Variants in PDGFD observed in about 807,000 individuals in gnomAD.
PDGFD encodes platelet-derived growth factor D.
In PDGFD, 30 loss-of-function variants were observed where a neutral mutation model predicts 44.7. The observed-to-expected ratio is 0.67, with a 90% confidence interval of 0.50 to 0.91. The LOEUF (loss-of-function observed/expected upper bound fraction) is 0.91. PDGFD is among the 40% of genes least tolerant of loss of function. PDGFD has a pLI of 0.00. For missense variants in PDGFD, 445 were observed against 457.8 expected (o/e 0.97, Z 0.25); for synonymous variants, 173 against 168.4 (o/e 1.03, Z -0.21).
intron 3 of PDGFD, among the ~76,000 whole-genome samples, chr11:103,949,218 G>C (rs1372218862): frequency 6.6e-6 from 1 of 152,004 alleles, no homozygotes; most frequent in Non-Finnish European, 1.5e-5. Flanking sequence ...GGCCAGACTG[G>C]TCTTGAACTA....
intron 1 of PDGFD, among the ~76,000 whole-genome samples, chr11:104,108,732 C>T (rs1861504377): frequency 6.6e-6 from 1 of 152,262 alleles, no homozygotes; most frequent in East Asian, 1.9e-4. Context: ...AATCATGCTG[C>T]TATAAAGGCA....
intron 1 of PDGFD, among the ~76,000 whole-genome samples, chr11:104,142,039 G>A (rs2170719): frequency 0.63 from 96,104 of 151,874 alleles, 30,724 homozygotes; most frequent in African/African-American, 0.73. Context: ...GTTCCCTAAT[G>A]GAATTATTTC....
Position 104,163,903 on chromosome 11 carries a change from T to C in PDGFD, c.25A>G (p.Thr9Ala), listed in dbSNP as rs762474521. 10 of 1,556,254 alleles carry C rather than the reference T, an allele frequency of 6.4e-6. No homozygotes were observed. The highest frequency in any genetic ancestry group is 1.8e-6 in the Non-Finnish European group (2 of 1,138,960). Residue 9 changes from threonine to alanine, a missense_variant, in exon 1 of 7, where the codon ACT (threonine) becomes GCT (alanine). By Grantham distance (58) the Thr-to-Ala change is moderately conservative. Coordinates refer to ENST00000393158, the MANE Select transcript of PDGFD (RefSeq NM_025208.5). MHRLIFVY[T>A]LICANFCSCR... Reference sequence around the variant, plus strand: ...CTGCAAAAGTTTGCGCAGATTAGAGTGTAGACAAAGATGAGCCGGTGCATT... The same window carrying C: ...CTGCAAAAGTTTGCGCAGATTAGAGCGTAGACAAAGATGAGCCGGTGCATT...
At chr11:104,143,116 G>A (rs939745487) in intron 1 of PDGFD, among the ~76,000 whole-genome samples, 3 of 152,072 alleles carry the variant, frequency 2.0e-5, no homozygotes, top group Admixed American at 1.3e-4. Flanking sequence ...TTAATATTCT[G>A]TATGAAAAAA....
At chr11:104,021,517 GT>G (rs1859952821) in intron 1 of PDGFD, among the ~76,000 whole-genome samples, 1 of 152,104 alleles carries the variant, frequency 6.6e-6, no homozygotes, top group Non-Finnish European at 1.5e-5. Flanking sequence ...AGCCTTAGGA[GT>G]CATCCACTGT....
At chr11:103,957,188 T>G (rs993281020) in intron 3 of PDGFD, among the ~76,000 whole-genome samples, 48 of 152,320 alleles carry the variant, frequency 3.2e-4, no homozygotes, top group African/African-American at 1.1e-3. Context: ...TTTTATGGTT[T>G]TAGGTCTAAC....
chr11:104,012,785 A>G (rs557083862), intron 1 of PDGFD, among the ~76,000 whole-genome samples: 65 of 152,350 alleles, frequency 4.3e-4, no homozygotes, highest in African/African-American at 1.6e-3. Context: ...GAAATCTGGG[A>G]AAATGAACTT....
At chr11:103,951,984 A>G (rs1858766003) in intron 3 of PDGFD, among the ~76,000 whole-genome samples, 1 of 152,012 alleles carries the variant, frequency 6.6e-6, no homozygotes, top group Non-Finnish European at 1.5e-5. Context: ...ATATATTCCA[A>G]TTTCTCTGGC....
chr11:103,994,586 G>C (rs1279244285), intron 3 of PDGFD, among the ~76,000 whole-genome samples: 1 of 151,990 alleles, frequency 6.6e-6, no homozygotes, highest in Non-Finnish European at 1.5e-5. Context: ...TTTTTAAAAA[G>C]CAAGTTTTTT....
chr11:104,150,255 C>T (rs537701656), intron 1 of PDGFD, among the ~76,000 whole-genome samples: 47 of 152,064 alleles, frequency 3.1e-4, no homozygotes, highest in Non-Finnish European at 4.1e-4. Flanking sequence ...TCAATTTAAT[C>T]TTATCTGAAA....
At chr11:104,137,132 G>T (rs1186203003) in intron 1 of PDGFD, among the ~76,000 whole-genome samples, 1 of 152,108 alleles carries the variant, frequency 6.6e-6, no homozygotes, top group Non-Finnish European at 1.5e-5. Context: ...ATACCACATG[G>T]CCTGAATAAT....
chr11:103,926,808 G>A lies in PDGFD; in HGVS notation c.987+104C>T, dbSNP rs947888363. On this transcript the variant is annotated intron_variant, in intron 6 of 6. Transcript: ENST00000393158. Reference sequence around the variant, plus strand: ...TCTGCTCCTAATCAAACCCTGGCTGGGTGCCCTTGTGCAGTGAACAACCTG... The same window carrying A: ...TCTGCTCCTAATCAAACCCTGGCTGAGTGCCCTTGTGCAGTGAACAACCTG... 10 of 1,189,086 alleles carry A rather than the reference G, an allele frequency of 8.4e-6. 1 individual carries two copies. Among genetic ancestry groups the A allele is most frequent in the East Asian group, 2.6e-5 (1 of 39,024 alleles). The allele number at this position is 1,189,086 out of a possible 1,614,324, so 73.7% of individuals were successfully genotyped here. A position where few individuals can be genotyped will look rare whatever the true frequency, so the allele number is the denominator to read the frequency against.
At chr11:104,101,831 A>T (rs1233057297) in intron 1 of PDGFD, among the ~76,000 whole-genome samples, 2 of 152,004 alleles carry the variant, frequency 1.3e-5, no homozygotes, top group Non-Finnish European at 2.9e-5. Flanking sequence ...TGGGGAAAGG[A>T]TTTCCTATTT....
intron 3 of PDGFD, among the ~76,000 whole-genome samples, chr11:103,964,193 A>G (rs1190339818): frequency 1.3e-5 from 2 of 152,050 alleles, no homozygotes; most frequent in Non-Finnish European, 2.9e-5. Flanking sequence ...ATGTACTATC[A>G]TTGCTCTTTT....
At chr11:104,123,270 C>T (rs1861803085) in intron 1 of PDGFD, among the ~76,000 whole-genome samples, 1 of 152,010 alleles carries the variant, frequency 6.6e-6, no homozygotes, top group Admixed American at 6.6e-5. Flanking sequence ...TTATTATTAG[C>T]CAGGAAGCTG....
chr11:104,027,639 G>C (rs961809256), intron 1 of PDGFD, among the ~76,000 whole-genome samples: 4 of 152,158 alleles, frequency 2.6e-5, no homozygotes, highest in Admixed American at 6.5e-5. Flanking sequence ...GCCACAACAG[G>C]CTTTCTACGT....
At chr11:104,074,422 G>A (rs1164380920) in intron 1 of PDGFD, among the ~76,000 whole-genome samples, 1 of 152,154 alleles carries the variant, frequency 6.6e-6, no homozygotes, top group African/African-American at 2.4e-5. Flanking sequence ...ATGTTTCTGG[G>A]TGCCAAGATA....
chr11:103,984,252 CT>C (rs1005909684), intron 3 of PDGFD, among the ~76,000 whole-genome samples: 1 of 151,624 alleles, frequency 6.6e-6, no homozygotes, highest in African/African-American at 2.4e-5. Flanking sequence ...ACACCACATC[CT>C]TTGCAGGGAC....
chr11:104,042,911 G>C (rs1591136039), intron 1 of PDGFD, among the ~76,000 whole-genome samples: 3 of 152,134 alleles, frequency 2.0e-5, no homozygotes. Flanking sequence ...CTTCTGTCAT[G>C]TCTAAGGATT....
Sources: gnomAD v4.1 joint callset for allele counts (sites outside exome capture counted in the v4.1 genomes callset) on GRCh38, gnomAD v4.1.1 for gene constraint, MANE v1.5 for transcripts, NCBI Gene and HGNC (gene_info 2026-07-23, HGNC 2026-07-21) for gene names.